CC2D2A: variants seen among roughly 807,000 people sequenced by gnomAD.
CC2D2A encodes coiled-coil and C2 domain-containing protein 2A.
Under a neutral mutation model 212.9 loss-of-function variants are expected in CC2D2A, and 155 were observed. That is an observed-to-expected ratio of 0.73 (90% CI 0.64 to 0.83). The LOEUF (loss-of-function observed/expected upper bound fraction) is 0.83. Ranked by LOEUF, CC2D2A falls within the 40% of genes least tolerant of loss-of-function variation. CC2D2A has a pLI of 0.00. For synonymous variants in CC2D2A, 667 were observed against 686.5 expected, an observed-to-expected ratio of 0.97 and a Z score of 0.44; for missense variants, 1,856 against 1,956.2, an observed-to-expected ratio of 0.95 and a Z score of 0.97.
chr4:15,571,808 A>C (rs1372854579), intron 28 of CC2D2A, among the ~76,000 whole-genome samples: 1 of 152,198 alleles, frequency 6.6e-6, no homozygotes, highest in African/African-American at 2.4e-5. Flanking sequence ...ATTATTTTGC[A>C]AATCACACTG....
Position 15,550,825 on chromosome 4 carries a change from T to C in CC2D2A, c.2183T>C (p.Val728Ala), listed in dbSNP as rs2109050070. Residue 728 changes from valine (V) to alanine (A), a missense_variant and splice_region_variant, in exon 18 of 37, where the codon GTC (valine) becomes GCC (alanine). This residue lies in a region of CC2D2A where 1,512 missense variants were observed against 1,579.3 expected (regional missense o/e 0.96). Transcript: ENST00000424120. ...CTATTTCTCTTCTCTGGTTTTCAGG[T>C]CTATGAAACTGTCGGACACAGTAGT... The part of the protein sequence containing the change: ...VNWPESLTLQ[V>A]YETVGHSSPT... 2 of 1,556,656 alleles carry C rather than the reference T, an allele frequency of 1.3e-6. No homozygotes were observed. The highest frequency in any genetic ancestry group is 2.3e-5 in the South Asian group (2 of 85,254).
At chr4:15,490,843 G>A (rs564189848) in intron 4 of CC2D2A, among the ~76,000 whole-genome samples, 4 of 151,648 alleles carry the variant, frequency 2.6e-5, no homozygotes, top group African/African-American at 9.7e-5. Context: ...ATTTTCATAA[G>A]AAAAGCACTG....
chr4:15,528,122 C>T (rs1258058852), intron 12 of CC2D2A, among the ~76,000 whole-genome samples: 4 of 152,206 alleles, frequency 2.6e-5, no homozygotes, highest in Non-Finnish European at 1.5e-5. Flanking sequence ...GTGACACTAT[C>T]CCATGGGATT....
At chr4:15,483,761 G>A (rs569112211) in intron 4 of CC2D2A, among the ~76,000 whole-genome samples, 82 of 152,288 alleles carry the variant, frequency 5.4e-4, no homozygotes, top group African/African-American at 2.0e-3. Flanking sequence ...CTCCACTTTG[G>A]TTGACTCCTT....
At chr4:15,594,555 C>CA (rs1395443358) in intron 33 of CC2D2A, among the ~76,000 whole-genome samples, 1 of 151,946 alleles carries the variant, frequency 6.6e-6, no homozygotes, top group African/African-American at 2.4e-5. Context: ...GGCAGAGGTA[C>CA]AAAAGGACAA....
At position 15,545,715 on chromosome 4, in the gene CC2D2A, G is replaced by A. The variant is rs937286599; in HGVS notation, c.2181+4701G>A. 7.3e-5 allele frequency among the ~76,000 whole-genome samples: 4 copies of A among 54,832 alleles called. No homozygotes were observed. The East Asian group carries it at 2.9e-3, about 40-fold the overall frequency. 36.0% of individuals were successfully genotyped at this position (54,832 alleles called of 152,430 possible). ...GCTCAGGGCCTGGCAGTAGAAATGGGAAGATGGGAAGAAGGAATTAATTAA... is the reference window on the plus strand; with the variant it reads ...GCTCAGGGCCTGGCAGTAGAAATGGAAAGATGGGAAGAAGGAATTAATTAA... On this transcript the variant is annotated intron_variant, in intron 17 of 36. Transcript: ENST00000424120.
rs75434594 is a variant in CC2D2A at position 15,507,244 on chromosome 4, T to A, written c.439-2895T>A. ...TTCAACTTCTGTACAATTGAGTTGG[T>A]AGATAACTATTTAACCTTAACACTA... On this transcript the variant is annotated intron_variant, in intron 6 of 36. Transcript: ENST00000424120. Among the ~76,000 whole-genome samples the A allele has an allele frequency of 3.6e-3, 551 of 152,336 alleles. 1 individual carries two copies. The highest frequency in any genetic ancestry group is 0.013 in the African/African-American group (532 of 41,572).
At position 15,601,392 on chromosome 4, in the gene CC2D2A, G is replaced by T; in HGVS notation, c.4830G>T (p.Trp1610Cys). ...HPYPKNVLSV[W>C]IYVASLIRNR ...ACCCCAAAAATGTTTTGTCTGTTTG[G>T]ATCTATGTTGCCTCTCTTATACGCA... The change falls in exon 37 of 37, where the codon TGG becomes TGT. Residue 1610 changes from tryptophan (W) to cysteine (C), a missense_variant. Transcript: ENST00000424120. 1 of 1,560,046 alleles carries T rather than the reference G, an allele frequency of 6.4e-7. No individual in the cohort carries two copies. The highest frequency in any genetic ancestry group is 8.7e-7 in the Non-Finnish European group (1 of 1,149,550).
intron 4 of CC2D2A, among the ~76,000 whole-genome samples, chr4:15,501,589 T>C (rs560697086): frequency 1.2e-4 from 19 of 152,310 alleles, no homozygotes; most frequent in African/African-American, 4.6e-4. Flanking sequence ...GCTCCACCCA[T>C]GCTAACATTC....
At chr4:15,522,355 C>A (rs1717260714) in intron 11 of CC2D2A, among the ~76,000 whole-genome samples, 1 of 152,176 alleles carries the variant, frequency 6.6e-6, no homozygotes, top group African/African-American at 2.4e-5. Flanking sequence ...GCAGGATCGA[C>A]CAACACTGAT....
At chr4:15,529,594 G>C (rs1042096004) in intron 13 of CC2D2A, among the ~76,000 whole-genome samples, 3 of 152,070 alleles carry the variant, frequency 2.0e-5, no homozygotes, top group Admixed American at 2.0e-4. Flanking sequence ...TCCTGTTACA[G>C]TGCATGTAGA....
At chr4:15,470,694 T>TATATATATA (rs1713736619) in intron 1 of CC2D2A, among the ~76,000 whole-genome samples, 1 of 27,946 alleles carries the variant, frequency 3.6e-5, no homozygotes, top group African/African-American at 2.1e-4. Flanking sequence ...TCTCTCTATA[T>TATATATATA]ATATATATAT....
chr4:15,497,651 C>T (rs575527362), intron 4 of CC2D2A, among the ~76,000 whole-genome samples: 1 of 152,300 alleles, frequency 6.6e-6, no homozygotes, highest in South Asian at 2.1e-4. Flanking sequence ...TATCCACATC[C>T]TTGTCAATAC....
chr4:15,521,319 A>C (rs1315401652), intron 11 of CC2D2A, among the ~76,000 whole-genome samples: 1 of 152,184 alleles, frequency 6.6e-6, no homozygotes, highest in Non-Finnish European at 1.5e-5. Flanking sequence ...TTAAAAATGT[A>C]ATTATTGTAA....
intron 16 of CC2D2A, among the ~76,000 whole-genome samples, chr4:15,540,252 C>T (rs1328786258): frequency 2.6e-5 from 4 of 151,566 alleles, no homozygotes; most frequent in South Asian, 2.1e-4. Flanking sequence ...TGTCTATACA[C>T]ATATGTACAA....
At chr4:15,536,807 C>A in intron 14 of CC2D2A, 113 bp from the exon 15 acceptor site, 1 of 972,542 alleles carries the variant, frequency 1.0e-6, no homozygotes, top group Non-Finnish European at 1.5e-6. Context: ...ACATGTGCGA[C>A]ATTTTTAGAA....
In CC2D2A at chr4:15,567,365, T is replaced by G. The variant is rs1719930390; in HGVS notation, c.3183-12T>G. ...TCTATCATTAATTTCCTTCATACAT[T>G]TTCTCTCCTAGCAAATTCCAGCAGC... On this transcript the variant is annotated splice_polypyrimidine_tract_variant and intron_variant, in intron 24 of 36. Transcript: ENST00000424120. 4 of 1,594,452 alleles carry G rather than the reference T, an allele frequency of 2.5e-6. No individual in the cohort carries two copies. Among genetic ancestry groups the G allele is most frequent in the Non-Finnish European group, 3.4e-6 (4 of 1,163,384 alleles).
chr4:15,532,710 A>C (rs184384001), intron 13 of CC2D2A, among the ~76,000 whole-genome samples: 1 of 152,376 alleles, frequency 6.6e-6, no homozygotes, highest in African/African-American at 2.4e-5. Flanking sequence ...ATGCCTCTTC[A>C]GATCAAGCCA....
At chr4:15,486,677 T>A (rs1414155371) in intron 4 of CC2D2A, among the ~76,000 whole-genome samples, 1 of 152,054 alleles carries the variant, frequency 6.6e-6, no homozygotes, top group Non-Finnish European at 1.5e-5. Context: ...ATCTTTATTA[T>A]TTTTCTTCTA....
Sources: allele counts gnomAD v4.1 joint callset (sites outside exome capture counted in the v4.1 genomes callset), GRCh38; gene constraint gnomAD v4.1.1; regional missense constraint gnomAD v4.1.1; transcripts MANE v1.5; gene names NCBI Gene and HGNC (gene_info 2026-07-23, HGNC 2026-07-21).